CSMD1: variants seen among roughly 807,000 people sequenced by gnomAD.
CSMD1 encodes the protein CUB and Sushi multiple domains 1, also known as CUB and sushi domain-containing protein 1.
In CSMD1, 213 loss-of-function variants were observed where a neutral mutation model predicts 417.5. That is an observed-to-expected ratio of 0.51 (90% CI 0.46 to 0.57). The LOEUF (loss-of-function observed/expected upper bound fraction) is 0.57, where lower values mean the gene tolerates loss of function less well. CSMD1 is among the 20% of genes least tolerant of loss of function. The probability of loss-of-function intolerance (pLI) is 0.00; values close to 1 mark genes in which losing one functional copy is unlikely to be tolerated. For missense variants in CSMD1, 6,923 were observed against 4,529.7 expected (o/e 1.53, Z -15.17); for synonymous variants, 2,862 against 1,736.8 (o/e 1.65, Z -16.11).
chr8:4,829,871 A>C (rs1239321978), intron 1 of CSMD1, among the ~76,000 whole-genome samples: 1 of 152,200 alleles, frequency 6.6e-6, no homozygotes, highest in Non-Finnish European at 1.5e-5. Context: ...AGAGTGGTAC[A>C]AAGTTTACTT....
chr8:4,590,446 T>C (rs1042641628), intron 2 of CSMD1, among the ~76,000 whole-genome samples: 1 of 152,226 alleles, frequency 6.6e-6, no homozygotes, highest in Non-Finnish European at 1.5e-5. Context: ...TGTTCAAAAG[T>C]ACTCATTAAG....
chr8:4,177,876 C>A lies in CSMD1; in HGVS notation c.416-145777G>T, dbSNP rs1005759814. Among the ~76,000 whole-genome samples the A allele has an allele frequency of 1.4e-3, 218 of 151,774 alleles. 2 individuals carry two copies. Among genetic ancestry groups the A allele is most frequent in the Admixed American group, 2.5e-3 (38 of 15,240 alleles). ...ACACATACACTCTCCCAAGACTAAA[C>A]CAGGAAGAAGTTAAATCTCTGAATA... On this transcript the variant is annotated intron_variant, in intron 3 of 69. Coordinates refer to ENST00000635120, the MANE Select transcript of CSMD1 (RefSeq NM_033225.6).
At chr8:4,846,417 C>A (rs954361151) in intron 1 of CSMD1, among the ~76,000 whole-genome samples, 6 of 152,194 alleles carry the variant, frequency 3.9e-5, no homozygotes, top group Non-Finnish European at 7.3e-5. Flanking sequence ...TCAGCCAGTG[C>A]CCCAGCCAGG....
chr8:4,023,612 A>C (rs550015785), intron 4 of CSMD1, among the ~76,000 whole-genome samples: 1 of 140,532 alleles, frequency 7.1e-6, no homozygotes, highest in African/African-American at 2.7e-5. Context: ...CCTGACACGG[A>C]GTCTCGCTCT....
At chr8:3,498,207 G>A (rs1426933326) in intron 10 of CSMD1, among the ~76,000 whole-genome samples, 3 of 152,020 alleles carry the variant, frequency 2.0e-5, no homozygotes, top group African/African-American at 7.2e-5. Flanking sequence ...TGACTTGACT[G>A]TTTTGTCTTG....
chr8:4,695,426 T>C (rs1807064346), intron 1 of CSMD1, among the ~76,000 whole-genome samples: 1 of 152,256 alleles, frequency 6.6e-6, no homozygotes, highest in African/African-American at 2.4e-5. Context: ...TAGTCGCGGA[T>C]GACCAGTGAC....
chr8:3,218,959 T>C, intron 29 of CSMD1, among the ~76,000 whole-genome samples: 1 of 152,230 alleles, frequency 6.6e-6, no homozygotes, highest in Non-Finnish European at 1.5e-5. Flanking sequence ...AAACCCGTCT[T>C]AAAATAATTA....
chr8:2,948,110 G>C (rs1802375994), intron 68 of CSMD1, among the ~76,000 whole-genome samples: 1 of 151,976 alleles, frequency 6.6e-6, no homozygotes, highest in African/African-American at 2.4e-5. Flanking sequence ...TAGTAATACT[G>C]TGTGAATAGT....
At chr8:4,676,463 T>A (rs933931234) in intron 1 of CSMD1, among the ~76,000 whole-genome samples, 1 of 152,102 alleles carries the variant, frequency 6.6e-6, no homozygotes, top group Non-Finnish European at 1.5e-5. Context: ...ATTCCTATCT[T>A]CAACTCTCCT....
chr8:3,581,253 A>G (rs1800370841), intron 9 of CSMD1, among the ~76,000 whole-genome samples: 1 of 152,246 alleles, frequency 6.6e-6, no homozygotes, highest in Admixed American at 6.5e-5. Flanking sequence ...TGCCAGTTAA[A>G]GATACTCATA....
chr8:4,442,283 AATT>A (rs1289016257), intron 2 of CSMD1, among the ~76,000 whole-genome samples: 4 of 152,160 alleles, frequency 2.6e-5, no homozygotes, highest in African/African-American at 7.2e-5. Context: ...ACAGTAAAAA[AATT>A]ATTAAAAGTT....
chr8:3,133,322 A>C, intron 41 of CSMD1, among the ~76,000 whole-genome samples: 1 of 151,850 alleles, frequency 6.6e-6, no homozygotes. Context: ...GCTACTTTCC[A>C]CTACCCTCCG....
Position 3,561,976 on chromosome 8 carries a change from T to A in CSMD1, c.1344+12969A>T, listed in dbSNP as rs189650814. 6.2e-3 allele frequency among the ~76,000 whole-genome samples: 937 copies of A among 152,264 alleles called. 12 individuals are homozygous for A. Among genetic ancestry groups the A allele is most frequent in the African/African-American group, 0.021 (877 of 41,552 alleles). ...GTGTGCCTGTGTGCACTGCAGGGCTTGCCTTATCTGCTACGTCAGAAACTT... is the reference window on the plus strand; with the variant it reads ...GTGTGCCTGTGTGCACTGCAGGGCTAGCCTTATCTGCTACGTCAGAAACTT... On this transcript the variant is annotated intron_variant, in intron 10 of 69. Coordinates refer to ENST00000635120, the MANE Select transcript of CSMD1 (RefSeq NM_033225.6).
chr8:4,072,829 C>T (rs1172256018), intron 3 of CSMD1, among the ~76,000 whole-genome samples: 2 of 152,162 alleles, frequency 1.3e-5, no homozygotes, highest in African/African-American at 4.8e-5. Context: ...AGCCCAAAAG[C>T]CGTCTTTTCC....
At chr8:4,755,774 T>C (rs949804427) in intron 1 of CSMD1, among the ~76,000 whole-genome samples, 1 of 152,214 alleles carries the variant, frequency 6.6e-6, no homozygotes, top group Non-Finnish European at 1.5e-5. Context: ...CCCTCCAAAA[T>C]GTCTTCATGA....
intron 7 of CSMD1, among the ~76,000 whole-genome samples, chr8:3,626,617 G>A (rs74766331): frequency 0.026 from 4,007 of 151,582 alleles, 84 homozygotes; most frequent in Middle Eastern, 0.073. Flanking sequence ...TTTGAATGAT[G>A]AGTCCCCACA....
chr8:4,377,846 A>G (rs1035589627), intron 3 of CSMD1, among the ~76,000 whole-genome samples: 6 of 152,228 alleles, frequency 3.9e-5, no homozygotes, highest in Non-Finnish European at 5.9e-5. Flanking sequence ...CCCAATTAGT[A>G]TACTTCTGTA....
intron 2 of CSMD1, among the ~76,000 whole-genome samples, chr8:4,448,508 G>C (rs907623651): frequency 2.0e-5 from 3 of 152,146 alleles, no homozygotes; most frequent in African/African-American, 7.2e-5. Context: ...GTCATTTTAA[G>C]TTCAGATTAG....
At chr8:4,659,832 C>T (rs1804476048) in intron 1 of CSMD1, among the ~76,000 whole-genome samples, 1 of 151,624 alleles carries the variant, frequency 6.6e-6, no homozygotes, top group South Asian at 2.1e-4. Context: ...TCTATGTAAC[C>T]ATCCATATTA....
Sources: allele counts gnomAD v4.1 joint callset (sites outside exome capture counted in the v4.1 genomes callset), GRCh38; gene constraint gnomAD v4.1.1; transcripts MANE v1.5; gene names NCBI Gene and HGNC (gene_info 2026-07-23, HGNC 2026-07-21).